Variants in KIAA0825 observed in about 807,000 individuals in gnomAD.
KIAA0825 encodes the protein KIAA0825.
KIAA0825 carries 119 observed loss-of-function variants against 147.6 expected under a neutral mutation model. The observed-to-expected ratio is 0.81, with a 90% CI of 0.69 to 0.94. The LOEUF (loss-of-function observed/expected upper bound fraction) is 0.94, where lower values mean the gene tolerates loss of function less well. KIAA0825 is among the 40% of genes least tolerant of loss of function. KIAA0825 has a pLI of 0.00. For missense variants in KIAA0825, 1,381 were observed against 1,472.7 expected (o/e 0.94, Z 1.02); for synonymous variants, 470 against 518.1 (o/e 0.91, Z 1.26).
At chr5:94,588,932 A>G (rs1437965918) in intron 1 of KIAA0825, among the ~76,000 whole-genome samples, 1 of 152,170 alleles carries the variant, frequency 6.6e-6, no homozygotes, top group Non-Finnish European at 1.5e-5. Flanking sequence ...AGAAAACCAA[A>G]CACTGCATGT....
At chr5:94,417,988 G>A (rs1419888805) in intron 14 of KIAA0825, among the ~76,000 whole-genome samples, 2 of 152,018 alleles carry the variant, frequency 1.3e-5, no homozygotes, top group Non-Finnish European at 2.9e-5. Context: ...CTCCATAACA[G>A]CCTTCTCAAA....
At chr5:94,477,278 T>G (rs1762000246) in intron 6 of KIAA0825, 73 bp from the exon 7 acceptor site, 3 of 987,674 alleles carry the variant, frequency 3.0e-6, no homozygotes, top group Admixed American at 4.4e-5. Context: ...GATTTATAAA[T>G]TCAGGTAAAT....
chr5:94,590,584 T>A (rs1784167574), intron 1 of KIAA0825, among the ~76,000 whole-genome samples: 1 of 152,224 alleles, frequency 6.6e-6, no homozygotes, highest in Non-Finnish European at 1.5e-5. Flanking sequence ...GCAAATCACC[T>A]ATACCCCATA....
At chr5:94,597,315 A>C (rs1191972371) in intron 1 of KIAA0825, among the ~76,000 whole-genome samples, 2 of 152,172 alleles carry the variant, frequency 1.3e-5, no homozygotes, top group Non-Finnish European at 2.9e-5. Flanking sequence ...ATCATAAAAC[A>C]TATGTTTTAT....
chr5:94,473,458 T>C lies in KIAA0825; in HGVS notation c.1289A>G (p.His430Arg). ...ACCTTCAATTGCAGTTACTACGCAG[T>C]GCGCCATGGGAAGAGACACTTCTTT... is the stretch of plus-strand genomic sequence containing the variant. ...AFKEVSLPMAHCVVTAIEGFS... is the reference protein window; with the variant it reads ...AFKEVSLPMARCVVTAIEGFS... Residue 430 changes from histidine to arginine, a missense_variant, in exon 8 of 21, where the codon CAC becomes CGC. By Grantham distance (29) the His-to-Arg change is conservative (BLOSUM62 0). Transcript: ENST00000682413. The C allele has an allele frequency of 6.4e-7, 1 of 1,551,874 alleles. No individual in the cohort carries two copies. The highest frequency in any genetic ancestry group is 8.7e-7 in the Non-Finnish European group (1 of 1,147,030).
In KIAA0825 at chr5:94,157,219, C is replaced by T. The variant is rs372122384; in HGVS notation, c.3711-3095G>A. ...TGTTTTTCCTAATTTTGGTAGCCTG[C>T]CCTTTTGTATTATTGCTGAATTCCC... On this transcript the variant is annotated intron_variant, in intron 20 of 20. Transcript: ENST00000682413. Among the ~76,000 whole-genome samples, 69 of 152,160 alleles carry T rather than the reference C, an allele frequency of 4.5e-4. 1 individual carries two copies. Among genetic ancestry groups the T allele is most frequent in the African/African-American group, 1.4e-3 (60 of 41,520 alleles).
At chr5:94,163,221 TA>T (rs968624412) in intron 20 of KIAA0825, among the ~76,000 whole-genome samples, 1 of 152,188 alleles carries the variant, frequency 6.6e-6, no homozygotes, top group Non-Finnish European at 1.5e-5. Context: ...TTGACCAATG[TA>T]AAAAGGCTTT....
At chr5:94,558,397 T>G (rs1280159146) in intron 2 of KIAA0825, among the ~76,000 whole-genome samples, 1 of 152,178 alleles carries the variant, frequency 6.6e-6, no homozygotes, top group Non-Finnish European at 1.5e-5. Flanking sequence ...CCCAAAAGCA[T>G]GTGTATGAAT....
At chr5:94,339,209 C>G (rs1011377013) in intron 20 of KIAA0825, among the ~76,000 whole-genome samples, 2 of 152,104 alleles carry the variant, frequency 1.3e-5, no homozygotes, top group Non-Finnish European at 2.9e-5. Flanking sequence ...CTAGAGGATT[C>G]TATTAACTAG....
intron 20 of KIAA0825, among the ~76,000 whole-genome samples, chr5:94,363,579 G>C (rs1745376207): frequency 6.6e-6 from 1 of 152,138 alleles, no homozygotes; most frequent in Non-Finnish European, 1.5e-5. Flanking sequence ...ATTTAACATT[G>C]CTTTTTAAAG....
At chr5:94,439,849 C>T in intron 14 of KIAA0825, 133 bp downstream of exon 14, 1 of 919,802 alleles carries the variant, frequency 1.1e-6, no homozygotes, top group Non-Finnish European at 1.6e-6. Flanking sequence ...TTGACTGCTG[C>T]TAACCCAGCT....
chr5:94,369,190 G>GA lies in KIAA0825; in HGVS notation c.3710+15177dup, dbSNP rs977835409. 4.6e-5 allele frequency among the ~76,000 whole-genome samples: 7 copies of GA among 151,822 alleles called. No individual in the cohort carries two copies. The East Asian group carries it at 7.7e-4, about 17-fold the overall frequency. On this transcript the variant is annotated intron_variant, in intron 20 of 20. Coordinates refer to ENST00000682413, the MANE Select transcript of KIAA0825 (RefSeq NM_001145678.3). ...AATATAAATAAAATATTATTAAGGG[G>GA]AAAAAAATCCAAGAATATGGAATCT...
intron 20 of KIAA0825, among the ~76,000 whole-genome samples, chr5:94,190,642 C>T (rs1176004725): frequency 6.6e-6 from 1 of 151,750 alleles, no homozygotes; most frequent in African/African-American, 2.4e-5. Context: ...CTCCTTTGTT[C>T]CTAGTTTACT....
intron 13 of KIAA0825, among the ~76,000 whole-genome samples, chr5:94,446,909 A>G (rs977900388): frequency 7.9e-5 from 12 of 152,168 alleles, no homozygotes; most frequent in African/African-American, 2.9e-4. Context: ...AGTTGAGACT[A>G]AGGTGAAACT....
intron 20 of KIAA0825, among the ~76,000 whole-genome samples, chr5:94,177,527 C>T (rs1197411254): frequency 6.6e-6 from 1 of 151,998 alleles, no homozygotes; most frequent in African/African-American, 2.4e-5. Context: ...CTAAAACCCC[C>T]TAAATTCCTC....
intron 20 of KIAA0825, among the ~76,000 whole-genome samples, chr5:94,286,586 T>C (rs1218126001): frequency 6.6e-6 from 1 of 152,034 alleles, no homozygotes. Context: ...TGGGTCTTGC[T>C]CTGTCACCCA....
intron 13 of KIAA0825, among the ~76,000 whole-genome samples, chr5:94,450,026 T>A (rs1758202251): frequency 3.3e-5 from 5 of 151,850 alleles, no homozygotes; most frequent in Admixed American, 2.6e-4. Context: ...GTTGCAGTGA[T>A]CCAAGATCGT....
chr5:94,212,507 G>A (rs1772805199), intron 20 of KIAA0825, among the ~76,000 whole-genome samples: 4 of 152,148 alleles, frequency 2.6e-5, no homozygotes, highest in African/African-American at 7.2e-5. Context: ...ATGCTAGCAG[G>A]AGACATGAGG....
At chr5:94,585,046 A>G (rs1047080232) in intron 1 of KIAA0825, among the ~76,000 whole-genome samples, 4 of 152,218 alleles carry the variant, frequency 2.6e-5, no homozygotes, top group African/African-American at 7.2e-5. Context: ...GGAAGCACTA[A>G]ACATGGAAAG....
Sources: allele counts gnomAD v4.1 joint callset (sites outside exome capture counted in the v4.1 genomes callset), GRCh38; gene constraint gnomAD v4.1.1; transcripts MANE v1.5; gene names NCBI Gene and HGNC (gene_info 2026-07-23, HGNC 2026-07-21).